The following RIMBP2 variants were observed in gnomAD, a reference collection of about 807,000 sequenced individuals.
RIMBP2 encodes RIMS-binding protein 2.
RIMBP2 carries 48 observed loss-of-function variants against 118.6 expected under a neutral mutation model. The observed-to-expected ratio is 0.40, with a 90% CI of 0.32 to 0.51. The LOEUF (loss-of-function observed/expected upper bound fraction) is 0.51, where lower values mean the gene tolerates loss of function less well. Ranked by LOEUF, RIMBP2 falls within the 20% of genes least tolerant of loss-of-function variation. RIMBP2 has a pLI of 0.41. For synonymous variants in RIMBP2, 762 were observed against 742.9 expected (o/e 1.03, Z -0.42); for missense variants, 1,551 against 1,768.3 (o/e 0.88, Z 2.20).
intron 2 of RIMBP2, among the ~76,000 whole-genome samples, chr12:130,616,242 C>T (rs147112519): frequency 1.3e-5 from 2 of 152,076 alleles, no homozygotes; most frequent in Admixed American, 6.6e-5. Context: ...ATTCTGTCTC[C>T]GGTTCCCCGC....
intron 4 of RIMBP2, among the ~76,000 whole-genome samples, chr12:130,482,360 C>G (rs918269384): frequency 6.6e-6 from 1 of 152,184 alleles, no homozygotes; most frequent in African/African-American, 2.4e-5. Context: ...CAGAACAGGA[C>G]AAACGTGTCT....
At chr12:130,665,982 C>A (rs1161671965) in intron 1 of RIMBP2, among the ~76,000 whole-genome samples, 1 of 152,174 alleles carries the variant, frequency 6.6e-6, no homozygotes, top group African/African-American at 2.4e-5. Context: ...TCCTGTCTCC[C>A]TCTTTTTCTG....
intron 2 of RIMBP2, among the ~76,000 whole-genome samples, chr12:130,580,373 T>G (rs2058386188): frequency 6.6e-6 from 1 of 152,030 alleles, no homozygotes; most frequent in Admixed American, 6.5e-5. Flanking sequence ...TCTCATGAGG[T>G]CTCATGGTTT....
intron 2 of RIMBP2, among the ~76,000 whole-genome samples, chr12:130,607,274 C>T (rs1482630559): frequency 1.3e-5 from 2 of 152,168 alleles, no homozygotes; most frequent in Admixed American, 6.5e-5. Context: ...CCCACAGACC[C>T]GGTCATCTGA....
rs149883434 is a variant in RIMBP2 at position 130,523,713 on chromosome 12, C to G, written c.-216-5796G>C. ...ACCACTGAGTGTGTATGTGTCAGTA[C>G]CGGGCTCAGCAGGGGGCCCTGAGTG... On this transcript the variant is annotated intron_variant, in intron 2 of 22. Coordinates refer to ENST00000690449, the MANE Select transcript of RIMBP2 (RefSeq NM_001393629.1). The surrounding 1 kb of genome is among the most constrained non-coding windows in gnomAD (Gnocchi z 4.4). Among the ~76,000 whole-genome samples the G allele has an allele frequency of 1.3e-5, 2 of 152,208 alleles. No homozygotes were observed. Among genetic ancestry groups the G allele is most frequent in the African/African-American group, 2.4e-5 (1 of 41,450 alleles).
rs1309135993 is a variant in RIMBP2, at chr12:130,621,671, T to G, written c.-217+6651A>C. Among the ~76,000 whole-genome samples the G allele has an allele frequency of 6.6e-6, 1 of 152,186 alleles. No homozygotes were observed. Among genetic ancestry groups the G allele is most frequent in the East Asian group, 1.9e-4 (1 of 5,200 alleles). On this transcript the variant is annotated intron_variant, in intron 2 of 22. Coordinates refer to ENST00000690449, the MANE Select transcript of RIMBP2 (RefSeq NM_001393629.1). The surrounding 1 kb of genome is among the most constrained non-coding windows in gnomAD (Gnocchi z 6.6). ...TGTCCTGCAGAACAAAAGGAGCAAG[T>G]AAATGACATCCCAGGGCCCGAGTTT...
intron 2 of RIMBP2, among the ~76,000 whole-genome samples, chr12:130,535,734 T>C (rs12424399): frequency 2.4e-4 from 4 of 16,852 alleles, no homozygotes; most frequent in East Asian, 0.02. Flanking sequence ...TATACATATA[T>C]ATACATATAT....
intron 2 of RIMBP2, among the ~76,000 whole-genome samples, chr12:130,569,889 C>T (rs762974618): frequency 4.6e-5 from 7 of 152,150 alleles, no homozygotes; most frequent in Non-Finnish European, 1.0e-4. Flanking sequence ...TACAACATGA[C>T]ACGGCCAATT....
At chr12:130,684,309 A>T in intron 1 of RIMBP2, among the ~76,000 whole-genome samples, 1 of 152,294 alleles carries the variant, frequency 6.6e-6, no homozygotes, top group East Asian at 1.9e-4. Flanking sequence ...CTGATGTTCC[A>T]TGTCTCCCAA....
At chr12:130,690,350 G>T (rs1199059289) in intron 1 of RIMBP2, among the ~76,000 whole-genome samples, 3 of 152,182 alleles carry the variant, frequency 2.0e-5, no homozygotes, top group Non-Finnish European at 4.4e-5. Context: ...GGGTCTGCCC[G>T]CCACAGAAAC....
Position 130,621,486 on chromosome 12 carries a change from T to A in RIMBP2, c.-217+6836A>T, listed in dbSNP as rs1223417404. 6.6e-6 allele frequency among the ~76,000 whole-genome samples: 1 copy of A among 152,188 alleles called. No individual in the cohort carries two copies. The highest frequency in any genetic ancestry group is 2.4e-5 in the African/African-American group (1 of 41,446). On this transcript the variant is annotated intron_variant, in intron 2 of 22. Transcript: ENST00000690449. This position sits in a 1 kb window ranked among gnomAD's most constrained non-coding sequence, Gnocchi z 6.6. ...TGAAGCTAGAATCTCCTCTCTTCAA[T>A]TACACCTGTCAAGAGCTCCCGTTTT...
intron 1 of RIMBP2, among the ~76,000 whole-genome samples, chr12:130,646,081 C>T (rs2062880140): frequency 7.3e-6 from 1 of 136,520 alleles, no homozygotes; most frequent in African/African-American, 2.6e-5. Flanking sequence ...CCACCTCCCT[C>T]ACCACTTCCC....
In RIMBP2 at chr12:130,420,734, C is replaced by T. The variant is rs1593232872; in HGVS notation, c.3238+1719G>A. On this transcript the variant is annotated intron_variant, in intron 17 of 22. Coordinates refer to ENST00000690449, the MANE Select transcript of RIMBP2 (RefSeq NM_001393629.1). This position sits in a 1 kb window ranked among gnomAD's most constrained non-coding sequence, Gnocchi z 4.3. ...GTCCAAGCAACAAGACAACCCAGGACAGTAGATTTAAACCAGACTCTGACA... is the reference window on the plus strand; with the variant it reads ...GTCCAAGCAACAAGACAACCCAGGATAGTAGATTTAAACCAGACTCTGACA... 6.6e-6 allele frequency among the ~76,000 whole-genome samples: 1 copy of T among 152,268 alleles called. No homozygotes were observed. The highest frequency in any genetic ancestry group is 1.9e-4 in the East Asian group (1 of 5,180).
At chr12:130,619,751 C>G (rs781384976) in intron 2 of RIMBP2, among the ~76,000 whole-genome samples, 1 of 152,178 alleles carries the variant, frequency 6.6e-6, no homozygotes, top group African/African-American at 2.4e-5. Flanking sequence ...CTCTCCTAAT[C>G]CGAAGCCCTT....
At position 130,651,439 on chromosome 12, in the gene RIMBP2, G is replaced by A. The variant is rs1315224881; in HGVS notation, c.-351-22983C>T. 3.3e-5 allele frequency: 5 copies of A among 152,258 alleles called. No homozygotes were observed. The East Asian group carries it at 9.6e-4, about 29-fold the overall frequency. 9.4% of individuals were successfully genotyped at this position (152,258 alleles called of 1,614,324 possible). A position where few individuals can be genotyped will look rare whatever the true frequency, so the allele number is the denominator to read the frequency against. ...AGGGTGCTGAGCCTGTGATGCGTAT[G>A]TATGAAGCCGTGTCATGCTCACCAC... On this transcript the variant is annotated intron_variant, in intron 1 of 22. Transcript: ENST00000690449.
At chr12:130,637,473 T>C (rs2062404017) in intron 1 of RIMBP2, among the ~76,000 whole-genome samples, 1 of 152,192 alleles carries the variant, frequency 6.6e-6, no homozygotes, top group Non-Finnish European at 1.5e-5. Flanking sequence ...AGTCATGCAA[T>C]TAGTGAGTTC....
chr12:130,628,851 G>T lies in RIMBP2; in HGVS notation c.-351-395C>A, dbSNP rs570132003. Among the ~76,000 whole-genome samples the T allele has an allele frequency of 5.3e-5, 8 of 152,262 alleles. No individual in the cohort carries two copies. In the South Asian group the frequency reaches 1.7e-3, roughly 32 times the overall value. Reference sequence around the variant, plus strand: ...ATTGAGGGCACAAGTCAATAACTGGGCATGCACTGCACATATCCTTAATTA... The same window carrying T: ...ATTGAGGGCACAAGTCAATAACTGGTCATGCACTGCACATATCCTTAATTA... On this transcript the variant is annotated intron_variant, in intron 1 of 22. Coordinates refer to ENST00000690449, the MANE Select transcript of RIMBP2 (RefSeq NM_001393629.1).
intron 10 of RIMBP2, among the ~76,000 whole-genome samples, chr12:130,443,555 CA>C (rs2137202293): frequency 6.6e-6 from 1 of 152,264 alleles, no homozygotes; most frequent in Admixed American, 6.5e-5. Flanking sequence ...CCCCCTGCCT[CA>C]GGGGAGCATG....
rs57369476 is a variant in RIMBP2, at chr12:130,419,126, C to T, written c.3238+3327G>A. On this transcript the variant is annotated intron_variant, in intron 17 of 22. Transcript: ENST00000690449. The surrounding 1 kb of genome is among the most constrained non-coding windows in gnomAD (Gnocchi z 4.3). ...CTCGACAGGGAAAGAGTAGCAGCCT[C>T]CCTGGAATGTGTCCATGGAAACTTG... 0.085 allele frequency among the ~76,000 whole-genome samples: 12,931 copies of T among 152,178 alleles called. 1,647 individuals carry two copies. Among genetic ancestry groups the T allele is most frequent in the African/African-American group, 0.28 (11,503 of 41,474 alleles).
Sources: gnomAD v4.1 joint callset for allele counts (sites outside exome capture counted in the v4.1 genomes callset) on GRCh38, gnomAD v4.1.1 for gene constraint, Gnocchi (gnomAD v3.1) non-coding constraint, MANE v1.5 for transcripts, NCBI Gene and HGNC (gene_info 2026-07-23, HGNC 2026-07-21) for gene names.